The following TAFA1 variants were observed in gnomAD, a reference collection of about 807,000 sequenced individuals.
TAFA1 encodes TAFA chemokine like family member 1.
In TAFA1, 4 loss-of-function variants were observed where a neutral mutation model predicts 18.5. That is an observed-to-expected ratio of 0.22 (90% confidence interval 0.11 to 0.49). The LOEUF is 0.49. Ranked by LOEUF, TAFA1 falls within the 20% of genes least tolerant of loss-of-function variation. The pLI is 0.98. For missense variants in TAFA1, 147 were observed against 169.0 expected (o/e 0.87, Z 0.72); for synonymous variants, 56 against 55.2 (o/e 1.01, Z -0.06).
At chr3:68,202,339 G>T (rs1315810895) in intron 2 of TAFA1, among the ~76,000 whole-genome samples, 1 of 151,512 alleles carries the variant, frequency 6.6e-6, no homozygotes, top group Non-Finnish European at 1.5e-5. Context: ...GGTATATTTA[G>T]ACCATTGTTG....
At chr3:68,494,295 T>G (rs549275309) in intron 3 of TAFA1, among the ~76,000 whole-genome samples, 2 of 152,254 alleles carry the variant, frequency 1.3e-5, no homozygotes, top group Admixed American at 6.5e-5. Flanking sequence ...ACCTGTCACT[T>G]AAAACCTTGG....
intron 2 of TAFA1, among the ~76,000 whole-genome samples, chr3:68,317,898 G>A (rs72626971): frequency 0.026 from 3,928 of 152,128 alleles, 90 homozygotes; most frequent in East Asian, 0.098. Flanking sequence ...GAGTACAGAT[G>A]TGAACAAGTG....
chr3:68,422,665 G>T (rs888387327), intron 3 of TAFA1, among the ~76,000 whole-genome samples: 4 of 151,890 alleles, frequency 2.6e-5, no homozygotes, highest in Non-Finnish European at 4.4e-5. Flanking sequence ...AATTTTAAGT[G>T]GTGATCTTTT....
chr3:68,043,405 T>A (rs1324509009), intron 2 of TAFA1, among the ~76,000 whole-genome samples: 1 of 152,126 alleles, frequency 6.6e-6, no homozygotes, highest in Non-Finnish European at 1.5e-5. Context: ...AGCCTCTGAG[T>A]TTTTCTATAA....
intron 2 of TAFA1, among the ~76,000 whole-genome samples, chr3:68,370,721 C>T (rs2069688632): frequency 6.8e-6 from 1 of 148,052 alleles, no homozygotes. Flanking sequence ...CACAAAAGTA[C>T]TCCTAGACAA....
At chr3:68,018,558 T>C (rs1315623303) in intron 2 of TAFA1, among the ~76,000 whole-genome samples, 2 of 152,196 alleles carry the variant, frequency 1.3e-5, no homozygotes, top group Admixed American at 6.5e-5. Flanking sequence ...GACACTTTAC[T>C]ATAGTCCCTG....
intron 3 of TAFA1, among the ~76,000 whole-genome samples, chr3:68,532,526 A>G (rs546071881): frequency 6.6e-6 from 1 of 152,088 alleles, no homozygotes; most frequent in Non-Finnish European, 1.5e-5. Flanking sequence ...AATCATCCCC[A>G]AAAAACACAG....
At chr3:68,187,209 A>G (rs2066281762) in intron 2 of TAFA1, among the ~76,000 whole-genome samples, 4 of 152,186 alleles carry the variant, frequency 2.6e-5, no homozygotes, top group Admixed American at 2.6e-4. Context: ...CCTTCTGTTT[A>G]TAAGCAGCCT....
chr3:68,129,443 A>T (rs969926760), intron 2 of TAFA1, among the ~76,000 whole-genome samples: 4 of 152,182 alleles, frequency 2.6e-5, no homozygotes, highest in African/African-American at 7.2e-5. Flanking sequence ...CAGTTTTCTC[A>T]TCTGTTAAAT....
chr3:68,381,074 A>G (rs1167995380), intron 2 of TAFA1, among the ~76,000 whole-genome samples: 1 of 41,628 alleles, frequency 2.4e-5, no homozygotes, highest in Admixed American at 3.1e-4. Context: ...AAGACCAGAT[A>G]GTTGTAGACG....
chr3:68,264,968 T>C (rs903225297), intron 2 of TAFA1, among the ~76,000 whole-genome samples: 74 of 152,282 alleles, frequency 4.9e-4, no homozygotes, highest in African/African-American at 1.5e-3. Context: ...GCTATAATAA[T>C]ATGTCTCTCC....
At chr3:68,109,727 G>A (rs1471515800) in intron 2 of TAFA1, among the ~76,000 whole-genome samples, 1 of 151,992 alleles carries the variant, frequency 6.6e-6, no homozygotes, top group Non-Finnish European at 1.5e-5. Flanking sequence ...GAAACTATGA[G>A]TACAAATAAA....
intron 3 of TAFA1, among the ~76,000 whole-genome samples, chr3:68,458,011 T>A (rs912659603): frequency 6.6e-6 from 1 of 152,198 alleles, no homozygotes. Context: ...TTTAATGATC[T>A]GGTGATATGG....
chr3:68,117,690 G>A (rs1220319922), intron 2 of TAFA1, among the ~76,000 whole-genome samples: 1 of 152,120 alleles, frequency 6.6e-6, no homozygotes, highest in East Asian at 1.9e-4. Flanking sequence ...TATAAATAGG[G>A]AACACAATAA....
Position 68,078,057 on chromosome 3 carries a change from A to G in TAFA1, c.118+71313A>G, listed in dbSNP as rs11924841. On this transcript the variant is annotated intron_variant, in intron 2 of 4. Coordinates refer to ENST00000478136, the MANE Select transcript of TAFA1 (RefSeq NM_213609.4). ...TGTAAGCTGGATTCCTAGGTATTTT[A>G]TTCTCTTTGAAGCAATTGTGAATGG... 2.0e-5 allele frequency among the ~76,000 whole-genome samples: 3 copies of G among 149,322 alleles called. No individual in the cohort carries two copies. In the South Asian group the frequency reaches 6.4e-4, roughly 32 times the overall value.
At chr3:68,167,946 G>GT (rs376153552) in intron 2 of TAFA1, among the ~76,000 whole-genome samples, 1 of 151,974 alleles carries the variant, frequency 6.6e-6, no homozygotes, top group African/African-American at 2.4e-5. Context: ...GAACCCACGT[G>GT]TTTTTTTAAG....
chr3:68,456,086 T>A (rs2071658965), intron 3 of TAFA1, among the ~76,000 whole-genome samples: 1 of 152,118 alleles, frequency 6.6e-6, no homozygotes, highest in South Asian at 2.1e-4. Context: ...AGGCAATTAT[T>A]TACTAGCAAG....
intron 2 of TAFA1, among the ~76,000 whole-genome samples, chr3:68,156,431 C>T (rs2065867288): frequency 6.6e-6 from 1 of 152,078 alleles, no homozygotes; most frequent in African/African-American, 2.4e-5. Context: ...TTTATTTTCT[C>T]CTGGGTCTGC....
intron 2 of TAFA1, among the ~76,000 whole-genome samples, chr3:68,126,758 G>T (rs2065469441): frequency 2.0e-5 from 3 of 152,080 alleles, no homozygotes. Context: ...ATGTTATGTG[G>T]ACATTCAATT....
Sources: gnomAD v4.1 joint callset for allele counts (sites outside exome capture counted in the v4.1 genomes callset) on GRCh38, gnomAD v4.1.1 for gene constraint, MANE v1.5 for transcripts, NCBI Gene and HGNC (gene_info 2026-07-23, HGNC 2026-07-21) for gene names.